Variants in DLGAP1 observed in about 807,000 individuals in gnomAD.
DLGAP1 encodes disks large-associated protein 1.
In DLGAP1, 11 loss-of-function variants were observed where a neutral mutation model predicts 90.8. The ratio of observed to expected loss-of-function variants is 0.12; its 90% confidence interval spans 0.08 to 0.20. The LOEUF (loss-of-function observed/expected upper bound fraction) is 0.20, where lower values mean the gene tolerates loss of function less well. DLGAP1 is among the 10% of genes least tolerant of loss of function. The pLI is 1.00. For synonymous variants in DLGAP1, 558 were observed against 540.7 expected (o/e 1.03, Z -0.44); for missense variants, 1,050 against 1,333.8 (o/e 0.79, Z 3.31).
intron 7 of DLGAP1, among the ~76,000 whole-genome samples, chr18:3,645,516 G>A (rs2059088408): frequency 6.6e-6 from 1 of 152,134 alleles, no homozygotes; most frequent in South Asian, 2.1e-4. Context: ...TGGAGGGCTA[G>A]GCGTTTTTCA....
At chr18:3,563,050 C>T (rs2054233621) in intron 9 of DLGAP1, among the ~76,000 whole-genome samples, 1 of 152,040 alleles carries the variant, frequency 6.6e-6, no homozygotes, top group Non-Finnish European at 1.5e-5. Flanking sequence ...TGGTCTTGAA[C>T]TCCTGGGCTG....
At chr18:3,535,576 T>C (rs932360806) in intron 9 of DLGAP1, among the ~76,000 whole-genome samples, 5 of 151,366 alleles carry the variant, frequency 3.3e-5, no homozygotes, top group South Asian at 4.2e-4. Flanking sequence ...GGCGTGGTGG[T>C]GGGCACCTGT....
chr18:3,627,107 G>T (rs181528545), intron 7 of DLGAP1, among the ~76,000 whole-genome samples: 2 of 152,138 alleles, frequency 1.3e-5, no homozygotes, highest in Admixed American at 1.3e-4. Context: ...ATTAGTGCTA[G>T]TAATTTTTTT....
At chr18:4,116,092 T>C (rs2076059242) in intron 2 of DLGAP1, among the ~76,000 whole-genome samples, 1 of 152,200 alleles carries the variant, frequency 6.6e-6, no homozygotes, top group Non-Finnish European at 1.5e-5. Flanking sequence ...CAAACAGCAT[T>C]TGTGTATCTC....
intron 1 of DLGAP1, among the ~76,000 whole-genome samples, chr18:4,413,543 G>A (rs1213881078): frequency 6.6e-6 from 1 of 152,100 alleles, no homozygotes; most frequent in East Asian, 1.9e-4. Context: ...TGCCACGAGG[G>A]CTCCCCAGTC....
intron 1 of DLGAP1, among the ~76,000 whole-genome samples, chr18:4,153,419 G>A (rs1223736078): frequency 6.6e-6 from 1 of 152,084 alleles, no homozygotes; most frequent in African/African-American, 2.4e-5. Flanking sequence ...ACTTGCCCAG[G>A]GCATTTGCTT....
At chr18:4,332,715 TAA>T in intron 1 of DLGAP1, among the ~76,000 whole-genome samples, 1 of 151,968 alleles carries the variant, frequency 6.6e-6, no homozygotes, top group Non-Finnish European at 1.5e-5. Context: ...GTTAGTCATC[TAA>T]TGTACCAAAT....
At chr18:3,907,108 TG>T (rs748161860) in intron 3 of DLGAP1, among the ~76,000 whole-genome samples, 6 of 152,164 alleles carry the variant, frequency 3.9e-5, no homozygotes, top group Non-Finnish European at 4.4e-5. Flanking sequence ...GATTTTATAT[TG>T]GGGACATGAG....
At chr18:4,446,286 G>GC (rs2083665745) in intron 1 of DLGAP1, among the ~76,000 whole-genome samples, 1 of 152,134 alleles carries the variant, frequency 6.6e-6, no homozygotes, top group Non-Finnish European at 1.5e-5. Flanking sequence ...CTTTTGGGGG[G>GC]CTCCAGGACA....
At chr18:3,655,308 T>C (rs1005510358) in intron 7 of DLGAP1, among the ~76,000 whole-genome samples, 1 of 152,032 alleles carries the variant, frequency 6.6e-6, no homozygotes, top group Non-Finnish European at 1.5e-5. Context: ...AAGAAGAAAA[T>C]GACACATTCT....
intron 2 of DLGAP1, among the ~76,000 whole-genome samples, chr18:4,045,764 G>A (rs1033324463): frequency 4.2e-5 from 6 of 143,494 alleles, no homozygotes; most frequent in African/African-American, 1.0e-4. Flanking sequence ...GGCATTCTTC[G>A]TTTAAAAGGT....
chr18:3,952,161 T>C (rs1390731951), intron 3 of DLGAP1, among the ~76,000 whole-genome samples: 1 of 152,244 alleles, frequency 6.6e-6, no homozygotes, highest in Non-Finnish European at 1.5e-5. Flanking sequence ...CGTAGGAGCA[T>C]TTGACTGAAG....
intron 7 of DLGAP1, among the ~76,000 whole-genome samples, chr18:3,668,421 T>G (rs1445040761): frequency 6.6e-6 from 1 of 151,902 alleles, no homozygotes; most frequent in Non-Finnish European, 1.5e-5. Context: ...CAAGTGATCC[T>G]CCCCCCTCAG....
intron 2 of DLGAP1, among the ~76,000 whole-genome samples, chr18:4,056,994 T>G (rs2093108349): frequency 7.0e-6 from 1 of 142,426 alleles, no homozygotes; most frequent in Non-Finnish European, 1.5e-5. Flanking sequence ...TATTAGCAAC[T>G]GACCATACAT....
intron 4 of DLGAP1, among the ~76,000 whole-genome samples, chr18:3,876,488 T>C (rs1176082373): frequency 6.6e-6 from 1 of 152,232 alleles, no homozygotes; most frequent in Admixed American, 6.5e-5. Flanking sequence ...GTTTAAAAGG[T>C]TGAACTAGCT....
At chr18:3,854,762 A>C (rs985920792) in intron 4 of DLGAP1, among the ~76,000 whole-genome samples, 2 of 152,198 alleles carry the variant, frequency 1.3e-5, no homozygotes. Context: ...TTTCGTGTGA[A>C]AAAATGGTCC....
intron 9 of DLGAP1, among the ~76,000 whole-genome samples, chr18:3,561,155 C>A (rs2054068601): frequency 1.3e-5 from 2 of 149,714 alleles, no homozygotes; most frequent in Non-Finnish European, 2.9e-5. Context: ...CTGTCCCACG[C>A]CTATAATTTC....
chr18:3,603,405 A>AG (rs1176660248), intron 7 of DLGAP1: 1 of 152,174 alleles, frequency 6.6e-6, no homozygotes, highest in African/African-American at 2.4e-5. Flanking sequence ...GATTTAAAAA[A>AG]GAAACGAGCA....
intron 2 of DLGAP1, among the ~76,000 whole-genome samples, chr18:4,072,837 C>T (rs1248889985): frequency 6.6e-6 from 1 of 152,160 alleles, no homozygotes; most frequent in East Asian, 1.9e-4. Flanking sequence ...ACTATCTCAA[C>T]AGCCTCATGA....
Sources: allele counts gnomAD v4.1 joint callset (sites outside exome capture counted in the v4.1 genomes callset), GRCh38; gene constraint gnomAD v4.1.1; transcripts MANE v1.5; gene names NCBI Gene and HGNC (gene_info 2026-07-23, HGNC 2026-07-21).